FGF14: variants seen among roughly 807,000 people sequenced by gnomAD.
The protein encoded by FGF14 is fibroblast growth factor homologous factor 4.
In FGF14, 5 loss-of-function variants were observed where a neutral mutation model predicts 25.5. The ratio of observed to expected loss-of-function variants is 0.20; its 90% CI spans 0.10 to 0.41. The LOEUF is 0.41. Ranked by LOEUF, FGF14 falls within the 10% of genes least tolerant of loss-of-function variation. The pLI, the probability that FGF14 is intolerant of heterozygous loss-of-function variation, is 1.00. For missense variants in FGF14, 222 were observed against 320.1 expected (o/e 0.69, Z 2.34); for synonymous variants, 138 against 118.3 (o/e 1.17, Z -1.08).
chr13:102,096,872 TAAG>T (rs748140848), intron 1 of FGF14, among the ~76,000 whole-genome samples: 4 of 152,198 alleles, frequency 2.6e-5, no homozygotes, highest in Non-Finnish European at 4.4e-5. Context: ...ATTTAAAAAA[TAAG>T]AAGAAGAAAT....
intron 3 of FGF14, among the ~76,000 whole-genome samples, chr13:101,772,039 A>G (rs1034137970): frequency 5.3e-5 from 8 of 152,112 alleles, no homozygotes; most frequent in African/African-American, 1.9e-4. Context: ...ACAGGAAAGA[A>G]AAGGCATTGT....
At chr13:102,260,390 G>A (rs1209091672) in intron 1 of FGF14, among the ~76,000 whole-genome samples, 1 of 152,218 alleles carries the variant, frequency 6.6e-6, no homozygotes, top group African/African-American at 2.4e-5. Flanking sequence ...ATCAAATGCA[G>A]TGGAGAGCAA....
chr13:101,835,616 T>C (rs2042887005), intron 3 of FGF14, among the ~76,000 whole-genome samples: 1 of 152,014 alleles, frequency 6.6e-6, no homozygotes. Context: ...CGTGCAGTGC[T>C]AACCCCCCTA....
chr13:102,168,170 T>C (rs993075618), intron 1 of FGF14, among the ~76,000 whole-genome samples: 1 of 152,176 alleles, frequency 6.6e-6, no homozygotes, highest in Non-Finnish European at 1.5e-5. Context: ...ATAGTGCTGC[T>C]GATTATGGCA....
At chr13:102,263,527 C>T (rs1375681057) in intron 1 of FGF14, among the ~76,000 whole-genome samples, 5 of 152,080 alleles carry the variant, frequency 3.3e-5, no homozygotes, top group African/African-American at 9.7e-5. Context: ...TAATTCAATA[C>T]CAATATTCTC....
chr13:102,308,399 A>T (rs1403367023), intron 1 of FGF14, among the ~76,000 whole-genome samples: 1 of 152,188 alleles, frequency 6.6e-6, no homozygotes, highest in Non-Finnish European at 1.5e-5. Flanking sequence ...AAACAGGTAT[A>T]ATTTCTCCAG....
chr13:102,232,927 T>G (rs575262695), intron 1 of FGF14, among the ~76,000 whole-genome samples: 1 of 152,130 alleles, frequency 6.6e-6, no homozygotes, highest in Non-Finnish European at 1.5e-5. Flanking sequence ...TTTAACCAAA[T>G]TATATGCTGG....
At chr13:101,861,876 C>A (rs2044436609) in intron 3 of FGF14, among the ~76,000 whole-genome samples, 1 of 152,114 alleles carries the variant, frequency 6.6e-6, no homozygotes, top group African/African-American at 2.4e-5. Context: ...TGCTGACATC[C>A]CTTTCCACTC....
rs1455570431 is a variant in FGF14 at position 102,400,102 on chromosome 13, C to A, written c.208+1369G>T. Among the ~76,000 whole-genome samples, 1 of 151,990 alleles carries A rather than the reference C, an allele frequency of 6.6e-6. No individual in the cohort carries two copies. The stretch of plus-strand genomic sequence containing the variant: ...TGCCTCGCGCTGCACCCGCAGGCGG[C>A]AGACCCCTCGGAGCGCGCCACCCCA... On this transcript the variant is annotated intron_variant, in intron 1 of 4. Coordinates refer to the FGF14 transcript ENST00000376131. This position sits in a 1 kb window ranked among gnomAD's most constrained non-coding sequence, Gnocchi z 4.3.
Position 102,012,679 on chromosome 13 carries a change from T to C in FGF14, c.209-137383A>G, listed in dbSNP as rs915581333. Among the ~76,000 whole-genome samples the C allele has an allele frequency of 4.6e-5, 7 of 152,248 alleles. No individual in the cohort carries two copies. The East Asian group carries it at 1.4e-3, about 29-fold the overall frequency. On this transcript the variant is annotated intron_variant, in intron 1 of 4. Coordinates refer to the FGF14 transcript ENST00000376131. ...AGTAAAGTTGTGTGGTCATGTAATA[T>C]CTTGAGTTTTTGGAGTGTGACAAAA... is the stretch of plus-strand genomic sequence containing the variant.
intron 1 of FGF14, among the ~76,000 whole-genome samples, chr13:102,220,458 A>G (rs917732030): frequency 6.6e-6 from 1 of 152,222 alleles, no homozygotes; most frequent in Non-Finnish European, 1.5e-5. Context: ...GAAATTTAAG[A>G]AGGACAGCTA....
At chr13:101,952,105 AT>A (rs200810757) in intron 1 of FGF14, among the ~76,000 whole-genome samples, 8 of 151,246 alleles carry the variant, frequency 5.3e-5, no homozygotes, top group Non-Finnish European at 1.0e-4. Flanking sequence ...TTTTGTTCAT[AT>A]TTTTTTTTCA....
At chr13:102,021,718 G>A (rs998532040) in intron 1 of FGF14, among the ~76,000 whole-genome samples, 2 of 152,018 alleles carry the variant, frequency 1.3e-5, no homozygotes, top group Non-Finnish European at 2.9e-5. Flanking sequence ...CCACAGATGA[G>A]ATAATTTATA....
At chr13:102,358,057 T>C (rs1267449591) in intron 1 of FGF14, among the ~76,000 whole-genome samples, 1 of 152,228 alleles carries the variant, frequency 6.6e-6, no homozygotes, top group Admixed American at 6.5e-5. Context: ...GAAAATCTTA[T>C]TTTTAATGGG....
chr13:102,126,573 G>A (rs2045958008), intron 1 of FGF14, among the ~76,000 whole-genome samples: 2 of 152,114 alleles, frequency 1.3e-5, no homozygotes, highest in South Asian at 2.1e-4. Flanking sequence ...GTTCCTTTGG[G>A]TATATACCTC....
intron 1 of FGF14, among the ~76,000 whole-genome samples, chr13:101,975,623 A>G (rs200158734): frequency 2.1e-5 from 3 of 140,374 alleles, no homozygotes; most frequent in Non-Finnish European, 4.7e-5. Flanking sequence ...TACATCAAAA[A>G]TATTTGTATT....
At position 101,748,784 on chromosome 13, in the gene FGF14, C is replaced by G. The variant is rs1310792195; in HGVS notation, c.409-21974G>C. On this transcript the variant is annotated intron_variant, in intron 3 of 4. Coordinates refer to ENST00000376143, the MANE Select transcript of FGF14 (RefSeq NM_004115.4). ...AAAAAAAAAAAAAAAAATAGAATTA[C>G]TATATAATCCAGCAACTTCACTTCT... Among the ~76,000 whole-genome samples, 4 of 132,716 alleles carry G rather than the reference C, an allele frequency of 3.0e-5. No individual in the cohort carries two copies. In the East Asian group the frequency reaches 7.1e-4, roughly 24 times the overall value. The allele number at this position is 132,716 out of a possible 152,430, so 87.1% of individuals were successfully genotyped here. A position where few individuals can be genotyped will look rare whatever the true frequency, so the allele number is the denominator to read the frequency against.
intron 1 of FGF14, among the ~76,000 whole-genome samples, chr13:102,033,647 T>G (rs2041326255): frequency 6.6e-6 from 1 of 152,136 alleles, no homozygotes; most frequent in African/African-American, 2.4e-5. Flanking sequence ...GAGCTACCCA[T>G]GCTGAAACAT....
chr13:102,293,675 A>G (rs181684266), intron 1 of FGF14: 1 of 152,340 alleles, frequency 6.6e-6, no homozygotes, highest in African/African-American at 2.4e-5. Flanking sequence ...ATTTCACTCT[A>G]TCTTCACAAA....
Sources: gnomAD v4.1 joint callset for allele counts (sites outside exome capture counted in the v4.1 genomes callset) on GRCh38, gnomAD v4.1.1 for gene constraint, Gnocchi (gnomAD v3.1) non-coding constraint, MANE v1.5 for transcripts, NCBI Gene and HGNC (gene_info 2026-07-23, HGNC 2026-07-21) for gene names.